The following TAMM41 variants were observed in gnomAD, a reference collection of about 807,000 sequenced individuals.
TAMM41 encodes the protein phosphatidate cytidylyltransferase, mitochondrial.
TAMM41 carries 36 observed loss-of-function variants against 44.1 expected under a neutral mutation model. The ratio of observed to expected loss-of-function variants is 0.82; its 90% CI spans 0.63 to 1.08. The LOEUF (loss-of-function observed/expected upper bound fraction) is 1.08, where lower values mean the gene tolerates loss of function less well. Ranked by LOEUF, TAMM41 falls within the 50% of genes least tolerant of loss-of-function variation. The pLI is 0.00. For missense variants in TAMM41, 417 were observed against 404.3 expected (o/e 1.03, Z -0.27); for synonymous variants, 164 against 153.1 (o/e 1.07, Z -0.53).
chr3:11,845,756 C>T lies in TAMM41; in HGVS notation c.135+746G>A, dbSNP rs115820920. ...GACAGACTACAGTCAGGTATCCAGA[C>T]GCAGGGGGCCCCATTAAAACCTGCA... On this transcript the variant is annotated intron_variant, in intron 1 of 7. Coordinates refer to ENST00000455809, the MANE Select transcript of TAMM41 (RefSeq NM_001284401.2). Among the ~76,000 whole-genome samples the T allele has an allele frequency of 6.4e-3, 967 of 152,172 alleles. 12 individuals carry two copies. Among genetic ancestry groups the T allele is most frequent in the African/African-American group, 0.022 (922 of 41,520 alleles).
the TAMM41 span, among the ~76,000 whole-genome samples, chr3:11,777,780 C>T: frequency 2.6e-5 from 4 of 152,096 alleles, no homozygotes; most frequent in East Asian, 1.9e-4. Context: ...GGTGAGGGAA[C>T]GAGATTCCAT....
At chr3:11,783,314 AAACATCACCTGGCTCAACCATAAAGCCC>A in the TAMM41 span, among the ~76,000 whole-genome samples, 22,862 of 151,844 alleles carry the variant, frequency 0.15, 3,282 homozygotes, top group East Asian at 0.6. Context: ...CATCAGCTCC[AAACATCACCTGGCTCAACCATAAAGCCC>A]AACATCACCT....
intron 3 of TAMM41, among the ~76,000 whole-genome samples, chr3:11,830,536 T>A (rs1442457595): frequency 6.6e-6 from 1 of 152,122 alleles, no homozygotes; most frequent in Non-Finnish European, 1.5e-5. Flanking sequence ...TTCTCCTCAA[T>A]ACAGAGTAGA....
intron 7 of TAMM41, among the ~76,000 whole-genome samples, chr3:11,801,777 G>A (rs1437511586): frequency 6.6e-6 from 1 of 152,058 alleles, no homozygotes; most frequent in African/African-American, 2.4e-5. Context: ...ACAACCTAAT[G>A]CCATACCTCA....
At chr3:11,826,326 G>T (rs879449340) in intron 4 of TAMM41, among the ~76,000 whole-genome samples, 3 of 152,066 alleles carry the variant, frequency 2.0e-5, no homozygotes, top group Non-Finnish European at 4.4e-5. Flanking sequence ...TTGAGCTCAG[G>T]AATTCGAGAC....
intron 4 of TAMM41, among the ~76,000 whole-genome samples, chr3:11,819,366 A>C (rs2078418783): frequency 6.6e-6 from 1 of 152,188 alleles, no homozygotes. Context: ...ATTCATACAC[A>C]AGGGAACAAA....
intron 1 of TAMM41, among the ~76,000 whole-genome samples, chr3:11,845,788 A>G (rs1211334211): frequency 6.6e-6 from 1 of 152,150 alleles, no homozygotes; most frequent in Non-Finnish European, 1.5e-5. Flanking sequence ...TGCACACTGA[A>G]TTCTGCAAAT....
Position 11,817,349 on chromosome 3 carries a change from A to C in TAMM41, c.563-12T>G, listed in dbSNP as rs1395952237. 11 of 1,603,102 alleles carry C rather than the reference A, an allele frequency of 6.9e-6. No homozygotes were observed. The highest frequency in any genetic ancestry group is 9.4e-6 in the Non-Finnish European group (11 of 1,171,080). On this transcript the variant is annotated splice_polypyrimidine_tract_variant and intron_variant, in intron 4 of 7. Transcript: ENST00000455809. ...CATCCGAAAGTCACCTAGTTAAAAC[A>C]AAGAGATAAACACATCTTCCATTAA...
chr3:11,778,993 T>C, the TAMM41 span, among the ~76,000 whole-genome samples: 1 of 152,162 alleles, frequency 6.6e-6, no homozygotes, highest in Admixed American at 6.5e-5. Flanking sequence ...TGAAATTTGA[T>C]GCCCAACGTT....
At chr3:11,750,656 A>G in the TAMM41 span, among the ~76,000 whole-genome samples, 1 of 152,118 alleles carries the variant, frequency 6.6e-6, no homozygotes, top group African/African-American at 2.4e-5. Flanking sequence ...GAATACTGAC[A>G]TCATTCTGGT....
chr3:11,846,570 C>T lies in TAMM41; in HGVS notation c.67G>A (p.Glu23Lys). The change falls in exon 1 of 8, where the codon GAG (glutamate) becomes AAG (lysine). Residue 23 changes from glutamate to lysine, a missense_variant. Physicochemically the swap from Glu to Lys is moderately conservative, Grantham distance 56 (BLOSUM62 1). Transcript: ENST00000455809. ...FRKILSHFPE[E>K]LSLAFVYGSG... ...CCGTAGACGAAAGCCAGACTCAGCT[C>T]CTCGGGGAAGTGAGACAGGATCTTG... 1.9e-6 allele frequency: 3 copies of T among 1,614,240 alleles called. No homozygotes were observed. The highest frequency in any genetic ancestry group is 2.2e-5 in the South Asian group (2 of 91,084).
At chr3:11,837,051 T>C (rs2079210514) in intron 3 of TAMM41, among the ~76,000 whole-genome samples, 1 of 152,222 alleles carries the variant, frequency 6.6e-6, no homozygotes, top group South Asian at 2.1e-4. Context: ...CCTGCCCGGA[T>C]CGAGTATTTC....
At chr3:11,727,554 G>A in the TAMM41 span, among the ~76,000 whole-genome samples, 2 of 152,024 alleles carry the variant, frequency 1.3e-5, no homozygotes, top group Non-Finnish European at 2.9e-5. Context: ...AGCCTCCACC[G>A]CCAGGGCTTC....
At chr3:11,755,097 C>G in the TAMM41 span, among the ~76,000 whole-genome samples, 13 of 151,136 alleles carry the variant, frequency 8.6e-5, no homozygotes, top group African/African-American at 3.2e-4. Flanking sequence ...AATCAGAGCC[C>G]CTGCCCTCAA....
the TAMM41 span, among the ~76,000 whole-genome samples, chr3:11,780,516 C>G: frequency 2.0e-5 from 3 of 152,168 alleles, no homozygotes; most frequent in African/African-American, 7.2e-5. Context: ...AACCTGATGG[C>G]CCGGTTTGGG....
the TAMM41 span, among the ~76,000 whole-genome samples, chr3:11,743,523 G>A: frequency 2.6e-5 from 4 of 151,964 alleles, no homozygotes; most frequent in African/African-American, 4.8e-5. Context: ...TAGCGGAGAC[G>A]GGTTTCACCA....
intron 3 of TAMM41, among the ~76,000 whole-genome samples, chr3:11,835,281 G>T (rs2079131402): frequency 6.6e-6 from 1 of 152,028 alleles, no homozygotes; most frequent in African/African-American, 2.4e-5. Context: ...CTGGTTAACA[G>T]TGATTTCCAC....
At chr3:11,744,363 C>T in the TAMM41 span, among the ~76,000 whole-genome samples, 4 of 151,964 alleles carry the variant, frequency 2.6e-5, no homozygotes, top group Admixed American at 1.3e-4. Context: ...CCACCATGCC[C>T]GGCCAAGAAT....
the TAMM41 span, among the ~76,000 whole-genome samples, chr3:11,759,807 C>G: frequency 6.6e-6 from 1 of 152,010 alleles, no homozygotes; most frequent in Non-Finnish European, 1.5e-5. Flanking sequence ...AACTCCATCT[C>G]TACTAAAAAT....
Sources: allele counts gnomAD v4.1 joint callset (sites outside exome capture counted in the v4.1 genomes callset), GRCh38; gene constraint gnomAD v4.1.1; transcripts MANE v1.5; gene names NCBI Gene and HGNC (gene_info 2026-07-23, HGNC 2026-07-21).